The following BCR variants were observed in gnomAD, a reference collection of about 807,000 sequenced individuals.
The protein encoded by BCR is breakpoint cluster region protein.
Under a neutral mutation model 138.6 loss-of-function variants are expected in BCR, and 58 were observed. The ratio of observed to expected loss-of-function variants is 0.42; its 90% CI spans 0.34 to 0.52. The LOEUF (loss-of-function observed/expected upper bound fraction) is 0.52. Among genes scored for constraint, BCR ranks in the 20% least tolerant of loss-of-function variants. The pLI is 0.06. For synonymous variants in BCR, 786 were observed against 730.1 expected, an observed-to-expected ratio of 1.08 and a Z score of -1.23; for missense variants, 1,599 against 1,727.2, an observed-to-expected ratio of 0.93 and a Z score of 1.32.
intron 1 of BCR, among the ~76,000 whole-genome samples, chr22:23,203,064 T>C (rs1268249649): frequency 6.6e-6 from 1 of 152,156 alleles, no homozygotes; most frequent in Non-Finnish European, 1.5e-5. Flanking sequence ...CTTGCTGTGT[T>C]GCCCAGGCTG....
intron 1 of BCR, chr22:23,217,115 C>A: frequency 2.4e-6 from 1 of 422,676 alleles, no homozygotes; most frequent in South Asian, 1.7e-5. Context: ...GTTACACAGT[C>A]ACAGGACAAG....
chr22:23,285,266 G>T, intron 10 of BCR, 65 bp downstream of exon 10: 1 of 1,508,684 alleles, frequency 6.6e-7, no homozygotes, highest in Non-Finnish European at 8.9e-7. Context: ...CCCGCACACG[G>T]CCAGTGGGTG....
At chr22:23,216,652 C>T (rs542556955) in intron 1 of BCR, among the ~76,000 whole-genome samples, 1 of 152,376 alleles carries the variant, frequency 6.6e-6, no homozygotes, top group South Asian at 2.1e-4. Context: ...ATCGCAGTGC[C>T]ATCTGGCTTG....
At chr22:23,282,482 G>A (rs2073659199) in intron 8 of BCR, among the ~76,000 whole-genome samples, 1 of 152,262 alleles carries the variant, frequency 6.6e-6, no homozygotes, top group African/African-American at 2.4e-5. Flanking sequence ...TTATGATGGT[G>A]ACATGAAGCC....
rs545327033 is a variant in BCR at position 23,257,649 on chromosome 22, G to T, written c.1462-3301G>T. Among the ~76,000 whole-genome samples, 10 of 152,368 alleles carry T rather than the reference G, an allele frequency of 6.6e-5. No individual in the cohort carries two copies. In the South Asian group the frequency reaches 2.1e-3, roughly 32 times the overall value. On this transcript the variant is annotated intron_variant, in intron 2 of 22. Coordinates refer to ENST00000305877, the MANE Select transcript of BCR (RefSeq NM_004327.4). ...GGAGGCACCTGCAGGGGCAGCTGGG[G>T]TGCTTTCCCCAAAGACTCCACCATT...
chr22:23,308,541 G>C (rs2073972897), intron 16 of BCR, among the ~76,000 whole-genome samples: 1 of 152,122 alleles, frequency 6.6e-6, no homozygotes, highest in Non-Finnish European at 1.5e-5. Flanking sequence ...TCCCGACCTC[G>C]TGATCCGCCC....
chr22:23,181,151 C>T lies in BCR; in HGVS notation c.191C>T (p.Ala64Val). Residue 64 changes from alanine to valine, a missense_variant, in exon 1 of 23, where the codon GCC becomes GTC. Coordinates refer to ENST00000305877, the MANE Select transcript of BCR (RefSeq NM_004327.4). The stretch of plus-strand genomic sequence containing the variant: ...ATGATCTACCTGCAGACGTTGCTGG[C>T]CAAGGAAAAGAAGAGCTATGACCGG... ...FRMIYLQTLL[A>V]KEKKSYDRQR... 4.1e-6 allele frequency: 6 copies of T among 1,457,058 alleles called. No homozygotes were observed. Among genetic ancestry groups the T allele is most frequent in the Non-Finnish European group, 4.6e-6 (5 of 1,091,250 alleles). 90.3% of individuals were successfully genotyped at this position (1,457,058 alleles called of 1,614,324 possible). A position where few individuals can be genotyped will look rare whatever the true frequency, so the allele number is the denominator to read the frequency against.
At chr22:23,285,551 T>A (rs2073701991) in intron 10 of BCR, among the ~76,000 whole-genome samples, 1 of 152,082 alleles carries the variant, frequency 6.6e-6, no homozygotes, top group Admixed American at 6.6e-5. Flanking sequence ...TGACCAGGGG[T>A]CCCTCACGAG....
rs550239523 is a variant in BCR, at chr22:23,211,237, G to T, written c.1279+28998G>T. 2.0e-5 allele frequency among the ~76,000 whole-genome samples: 3 copies of T among 152,158 alleles called. No individual in the cohort carries two copies. In the East Asian group the frequency reaches 5.8e-4, roughly 29 times the overall value. ...TGTTGAGACGGAGTCTTGCTCTGTC[G>T]CCCAGGCTGGAGTGCAGTGGCGCGA... On this transcript the variant is annotated intron_variant, in intron 1 of 22. Coordinates refer to ENST00000305877, the MANE Select transcript of BCR (RefSeq NM_004327.4).
chr22:23,275,157 C>G (rs1300560088), intron 8 of BCR, among the ~76,000 whole-genome samples: 1 of 152,192 alleles, frequency 6.6e-6, no homozygotes, highest in Admixed American at 6.5e-5. Flanking sequence ...CCGAGTTGAC[C>G]TTTAGTGAGG....
intron 1 of BCR, among the ~76,000 whole-genome samples, chr22:23,248,083 C>G (rs184618627): frequency 4.3e-4 from 65 of 152,300 alleles, no homozygotes; most frequent in Non-Finnish European, 7.3e-5. Flanking sequence ...GTGGCTCACG[C>G]TTGTAATCCC....
intron 16 of BCR, among the ~76,000 whole-genome samples, chr22:23,302,129 T>C (rs1434362829): frequency 6.7e-6 from 1 of 148,736 alleles, no homozygotes; most frequent in Non-Finnish European, 1.5e-5. Flanking sequence ...AGAAGGGAGG[T>C]GGGGACCTGG....
At chr22:23,242,981 C>T (rs928325035) in intron 1 of BCR, 12 of 440,128 alleles carry the variant, frequency 2.7e-5, no homozygotes, top group Non-Finnish European at 5.5e-5. Flanking sequence ...TTCAAATGGC[C>T]TCCTGTATGC....
intron 1 of BCR, among the ~76,000 whole-genome samples, chr22:23,204,061 G>C (rs941266146): frequency 5.9e-5 from 9 of 152,196 alleles, no homozygotes; most frequent in African/African-American, 2.2e-4. Context: ...CGTTTGGAGG[G>C]AGGGCAGCAT....
chr22:23,206,978 C>T (rs1476560864), intron 1 of BCR, among the ~76,000 whole-genome samples: 1 of 140,264 alleles, frequency 7.1e-6, no homozygotes, highest in African/African-American at 2.6e-5. Context: ...TCCCTCCATC[C>T]ATCCATCCAT....
chr22:23,280,075 C>T (rs1403510114), intron 8 of BCR, among the ~76,000 whole-genome samples: 1 of 152,222 alleles, frequency 6.6e-6, no homozygotes, highest in Non-Finnish European at 1.5e-5. Context: ...ACCTCATCTA[C>T]ACCTACTCAC....
intron 2 of BCR, among the ~76,000 whole-genome samples, chr22:23,259,409 G>A (rs1416540059): frequency 6.6e-6 from 1 of 152,070 alleles, no homozygotes; most frequent in Non-Finnish European, 1.5e-5. Flanking sequence ...GCTCATGCCT[G>A]TAATCCCACC....
chr22:23,197,361 TC>T (rs1355467869), intron 1 of BCR, among the ~76,000 whole-genome samples: 1 of 152,214 alleles, frequency 6.6e-6, no homozygotes, highest in Admixed American at 6.5e-5. Context: ...TCTCAACATA[TC>T]CCCTTTTAAG....
chr22:23,263,177 G>C, intron 4 of BCR: 1 of 829,466 alleles, frequency 1.2e-6, no homozygotes, highest in Non-Finnish European at 1.8e-6. Flanking sequence ...AGGCGGCTCG[G>C]GAGTCAGCCG....
Sources: allele counts gnomAD v4.1 joint callset (sites outside exome capture counted in the v4.1 genomes callset), GRCh38; gene constraint gnomAD v4.1.1; transcripts MANE v1.5; gene names NCBI Gene and HGNC (gene_info 2026-07-23, HGNC 2026-07-21).